DOK7: variants seen among roughly 807,000 people sequenced by gnomAD.
DOK7 encodes docking protein 7.
DOK7 carries 32 observed loss-of-function variants against 30.7 expected under a neutral mutation model. The observed-to-expected ratio is 1.04, with a 90% CI of 0.79 to 1.40. The LOEUF is 1.40. DOK7 is among the 40% of genes most tolerant of loss of function. The pLI is 0.00. For synonymous variants in DOK7, 447 were observed against 324.1 expected (o/e 1.38, Z -4.07); for missense variants, 1,007 against 699.2 (o/e 1.44, Z -4.97).
intron 2 of DOK7, among the ~76,000 whole-genome samples, chr4:3,469,583 C>T (rs1192185434): frequency 6.6e-6 from 1 of 152,084 alleles, no homozygotes; most frequent in African/African-American, 2.4e-5. Flanking sequence ...CTGGGCCTGG[C>T]GCCCGGGGAG....
intron 6 of DOK7, among the ~76,000 whole-genome samples, chr4:3,490,126 T>TCCCTGCTCATTCATTCCTTCCTTCCCCA (rs1423970334): frequency 1.7e-4 from 19 of 114,502 alleles, no homozygotes; most frequent in Non-Finnish European, 2.3e-4. Flanking sequence ...ATTCCTTTTC[T>TCCCTGCTCATTCATTCCTTCCTTCCCCA]CCCTGCTCAT....
intron 3 of DOK7, among the ~76,000 whole-genome samples, chr4:3,476,000 G>A (rs942571439): frequency 8.6e-5 from 13 of 152,002 alleles, no homozygotes; most frequent in South Asian, 4.1e-4. Context: ...TCATCCTGCC[G>A]TCGCTGCCTC....
chr4:3,482,879 T>TC (rs11406580), intron 4 of DOK7, among the ~76,000 whole-genome samples: 3,422 of 152,084 alleles, frequency 0.023, 120 homozygotes, highest in African/African-American at 0.077. Context: ...GGCAAGGTGC[T>TC]CAGCCTGGCA....
chr4:3,492,771 G>C lies in DOK7; in HGVS notation c.785G>C (p.Ser262Thr). ...GRPGSGGDDR[S>T]LSSSSSEASH... The stretch of plus-strand genomic sequence containing the variant: ...TGCTCTGTCTCAGGGGATGACCGCA[G>C]CCTGTCCAGCTCATCCTCAGAGGCC... The change falls in exon 7 of 7, where the codon AGC becomes ACC. Residue 262 changes from serine to threonine, a missense_variant. Physicochemically the swap from Ser to Thr is moderately conservative, Grantham distance 58. Coordinates refer to ENST00000340083, the MANE Select transcript of DOK7 (RefSeq NM_173660.5). 6.2e-7 allele frequency: 1 copy of C among 1,612,698 alleles called. No homozygotes were observed. The highest frequency in any genetic ancestry group is 1.3e-5 in the African/African-American group (1 of 75,030).
At chr4:3,486,691 T>C (rs1727816593) in intron 5 of DOK7, among the ~76,000 whole-genome samples, 1 of 81,382 alleles carries the variant, frequency 1.2e-5, no homozygotes, top group Non-Finnish European at 2.5e-5. Context: ...TCCTGCCTAG[T>C]GGATGCACCC....
chr4:3,491,323 C>CTCATTCAT (rs988195695), intron 6 of DOK7, among the ~76,000 whole-genome samples: 29 of 142,606 alleles, frequency 2.0e-4, no homozygotes, highest in African/African-American at 7.3e-4. Context: ...TCTCCCCCTG[C>CTCATTCAT]TCATTCATTC....
chr4:3,472,126 C>A (rs1726797192), intron 2 of DOK7, among the ~76,000 whole-genome samples: 1 of 152,254 alleles, frequency 6.6e-6, no homozygotes, highest in African/African-American at 2.4e-5. Context: ...CCCCTGTGGT[C>A]ACACAGACCC....
chr4:3,471,973 C>A (rs556418100), intron 2 of DOK7, among the ~76,000 whole-genome samples: 7 of 152,216 alleles, frequency 4.6e-5, no homozygotes, highest in African/African-American at 7.2e-5. Flanking sequence ...CATGCAGCTG[C>A]GCCCAAGGGT....
At chr4:3,499,193 CAGGT>C (rs1017394008), downstream of DOK7, among the ~76,000 whole-genome samples, 4 of 152,204 alleles carry the variant, frequency 2.6e-5, no homozygotes, top group Non-Finnish European at 5.9e-5. Context: ...CCTGGACAGG[CAGGT>C]GTTTCAGGGA....
downstream of DOK7, among the ~76,000 whole-genome samples, chr4:3,499,143 C>T (rs541539885): frequency 3.3e-5 from 5 of 152,340 alleles, no homozygotes; most frequent in East Asian, 9.7e-4. Flanking sequence ...GAGGATGCAT[C>T]CCTGGGGCAG....
chr4:3,480,585 G>GCAA (rs1260645593), intron 4 of DOK7, among the ~76,000 whole-genome samples: 1 of 152,202 alleles, frequency 6.6e-6, no homozygotes, highest in African/African-American at 2.4e-5. Context: ...TCCAGCCAAG[G>GCAA]CAACAGAGCC....
At chr4:3,495,514 G>A (rs906790336), downstream of DOK7, among the ~76,000 whole-genome samples, 10 of 152,232 alleles carry the variant, frequency 6.6e-5, no homozygotes, top group African/African-American at 2.4e-4. Context: ...CGGGACATCT[G>A]CCTCTCCTCA....
intron 2 of DOK7, among the ~76,000 whole-genome samples, chr4:3,472,146 G>A (rs771626413): frequency 9.9e-5 from 15 of 152,264 alleles, no homozygotes; most frequent in Non-Finnish European, 2.1e-4. Flanking sequence ...CCCTGGCTCT[G>A]CGGGCTGTGG....
At chr4:3,494,537 C>T (rs1424975110), downstream of DOK7, 3 of 984,430 alleles carry the variant, frequency 3.0e-6, no homozygotes, top group African/African-American at 1.7e-5. Context: ...CCACCCTCCA[C>T]GTGGGGCCTC....
Position 3,493,619 on chromosome 4 carries a change from G to A in DOK7, c.*118G>A, listed in dbSNP as rs946776744. 3.3e-6 allele frequency: 5 copies of A among 1,501,230 alleles called. No homozygotes were observed. Among genetic ancestry groups the A allele is most frequent in the African/African-American group, 2.8e-5 (2 of 71,332 alleles). The allele number at this position is 1,501,230 out of a possible 1,614,324, so 93.0% of individuals were successfully genotyped here. A position where few individuals can be genotyped will look rare whatever the true frequency, so the allele number is the denominator to read the frequency against. On this transcript the variant is annotated 3_prime_UTR_variant, in exon 7 of 7. Coordinates refer to ENST00000340083, the MANE Select transcript of DOK7 (RefSeq NM_173660.5). The stretch of plus-strand genomic sequence containing the variant: ...CTGTGTTCTGTGGGAGGGACCGGGG[G>A]TCTCCCGGAGAGGGGAGCTGGAGGG...
In DOK7 at chr4:3,492,992, T is replaced by C; in HGVS notation, c.1006T>C (p.Ser336Pro). Residue 336 changes from serine (S) to proline (P), a missense_variant, in exon 7 of 7, where the codon TCG (serine) becomes CCG (proline). Coordinates refer to ENST00000340083, the MANE Select transcript of DOK7 (RefSeq NM_173660.5). ...GCAGGAGGTTGGCCGCCAGAGCTCCTCGGACAGCGGCATCGCCACTGGCAG... is the reference window on the plus strand; with the variant it reads ...GCAGGAGGTTGGCCGCCAGAGCTCCCCGGACAGCGGCATCGCCACTGGCAG... ...QLQEVGRQSS[S>P]DSGIATGSHS... The C allele has an allele frequency of 6.4e-7, 1 of 1,558,380 alleles. No individual in the cohort carries two copies. The highest frequency in any genetic ancestry group is 2.4e-5 in the East Asian group (1 of 42,244).
chr4:3,487,686 G>A (rs1727900441), intron 5 of DOK7, among the ~76,000 whole-genome samples: 1 of 152,216 alleles, frequency 6.6e-6, no homozygotes, highest in African/African-American at 2.4e-5. Flanking sequence ...CAGGGGGCGT[G>A]TGGTGGAGCT....
exon 7 of DOK7, chr4:3,500,346 A>G (rs1729128899): frequency 6.5e-7 from 1 of 1,535,900 alleles, no homozygotes; most frequent in African/African-American, 1.4e-5. Flanking sequence ...CCCATCCTCC[A>G]GAAAGCAGCT....
Position 3,493,255 on chromosome 4 carries a change from GGGCAGCCCC to G in DOK7, c.1274_1282del (p.Ser425_Gly427del). ...CTAGAGACCACAGCCCCCCCTCACA[GGGCAGCCCC>G]GGCAACAGTGCGGCCAGGGACTCAG... is the stretch of plus-strand genomic sequence containing the variant. On this transcript the variant is annotated inframe_deletion, in exon 7 of 7. Coordinates refer to ENST00000340083, the MANE Select transcript of DOK7 (RefSeq NM_173660.5). 1 of 1,611,782 alleles carries G rather than the reference GGGCAGCCCC, an allele frequency of 6.2e-7. No homozygotes were observed. The highest frequency in any genetic ancestry group is 8.5e-7 in the Non-Finnish European group (1 of 1,179,588).
Sources: allele counts gnomAD v4.1 joint callset (sites outside exome capture counted in the v4.1 genomes callset), GRCh38; gene constraint gnomAD v4.1.1; transcripts MANE v1.5; gene names NCBI Gene and HGNC (gene_info 2026-07-23, HGNC 2026-07-21).